The following ADAMTS2 variants were observed in gnomAD, a reference collection of about 807,000 sequenced individuals.
The protein encoded by ADAMTS2 is A disintegrin and metalloproteinase with thrombospondin motifs 2.
In ADAMTS2, 50 loss-of-function variants were observed where a neutral mutation model predicts 123.0. The observed-to-expected ratio is 0.41, with a 90% confidence interval of 0.32 to 0.51. The LOEUF is 0.51. Ranked by LOEUF, ADAMTS2 falls within the 20% of genes least tolerant of loss-of-function variation. The pLI is 0.35. For synonymous variants in ADAMTS2, 678 were observed against 695.4 expected (o/e 0.98, Z 0.39); for missense variants, 1,494 against 1,705.2 (o/e 0.88, Z 2.18).
At chr5:179,257,930 C>T (rs1316499779) in intron 3 of ADAMTS2, among the ~76,000 whole-genome samples, 1 of 152,214 alleles carries the variant, frequency 6.6e-6, no homozygotes, top group African/African-American at 2.4e-5. Context: ...TCCAGCTTCT[C>T]TTATAAAATT....
At chr5:179,336,342 G>A (rs1472999001) in intron 2 of ADAMTS2, among the ~76,000 whole-genome samples, 2 of 152,252 alleles carry the variant, frequency 1.3e-5, no homozygotes, top group African/African-American at 4.8e-5. Flanking sequence ...ACCTATCCCT[G>A]GAGGAAGGAC....
At chr5:179,200,183 G>T (rs992184674) in intron 4 of ADAMTS2, among the ~76,000 whole-genome samples, 1 of 150,412 alleles carries the variant, frequency 6.6e-6, no homozygotes, top group African/African-American at 2.5e-5. Context: ...AAATAAGAAT[G>T]CATTGCATGT....
chr5:179,224,373 C>T (rs567701097), intron 3 of ADAMTS2, among the ~76,000 whole-genome samples: 6 of 152,332 alleles, frequency 3.9e-5, no homozygotes, highest in South Asian at 4.1e-4. Context: ...CCCTGACCCT[C>T]GACCTGTGGG....
At chr5:179,204,714 C>T (rs185352356) in intron 4 of ADAMTS2, among the ~76,000 whole-genome samples, 16 of 152,360 alleles carry the variant, frequency 1.1e-4, no homozygotes, top group East Asian at 5.8e-4. Context: ...GCTCCAGGCA[C>T]GGCCGCGCCT....
At chr5:179,159,791 T>A (rs188293020) in intron 5 of ADAMTS2, among the ~76,000 whole-genome samples, 13 of 152,282 alleles carry the variant, frequency 8.5e-5, no homozygotes, top group Admixed American at 6.5e-4. Context: ...AGAATTGAGA[T>A]CGGATCCCAA....
chr5:179,234,640 C>T lies in ADAMTS2; in HGVS notation c.689-26925G>A, dbSNP rs1420461177. Among the ~76,000 whole-genome samples, 1 of 152,126 alleles carries T rather than the reference C, an allele frequency of 6.6e-6. No homozygotes were observed. The highest frequency in any genetic ancestry group is 1.5e-5 in the Non-Finnish European group (1 of 68,020). ...GTCCCAAACAAACCTGTCACCTTTC[C>T]CTACCCCAACCCATCAGCCATTGCT... On this transcript the variant is annotated intron_variant, in intron 3 of 21. Coordinates refer to ENST00000251582, the MANE Select transcript of ADAMTS2 (RefSeq NM_014244.5). The surrounding 1 kb of genome is among the most constrained non-coding windows in gnomAD (Gnocchi z 4.7).
rs147504241 is a variant in ADAMTS2, at chr5:179,308,132, T to C, written c.535-35068A>G. ...AGAGTGGGCCAAGTTTGCCGCCTTC[T>C]GGAGCGACAACAAGGAGAAAACAGG... On this transcript the variant is annotated intron_variant, in intron 2 of 21. Coordinates refer to ENST00000251582, the MANE Select transcript of ADAMTS2 (RefSeq NM_014244.5). The surrounding 1 kb of genome is among the most constrained non-coding windows in gnomAD (Gnocchi z 6.6). Among the ~76,000 whole-genome samples, 223 of 152,320 alleles carry C rather than the reference T, an allele frequency of 1.5e-3. 1 individual carries two copies. The highest frequency in any genetic ancestry group is 5.1e-3 in the African/African-American group (210 of 41,576).
rs959656033 is a variant in ADAMTS2 at position 179,314,080 on chromosome 5, C to A, written c.534+29687G>T. Among the ~76,000 whole-genome samples the A allele has an allele frequency of 2.0e-5, 3 of 152,188 alleles. No homozygotes were observed. The highest frequency in any genetic ancestry group is 4.4e-5 in the Non-Finnish European group (3 of 68,014). On this transcript the variant is annotated intron_variant, in intron 2 of 21. Transcript: ENST00000251582. The surrounding 1 kb of genome is among the most constrained non-coding windows in gnomAD (Gnocchi z 4.5). Reference sequence around the variant, plus strand: ...GTGGGGCGGGGGGGTTCCTCACACACCCCACACCCCTGCCTATGCCCAGAC... The same window carrying A: ...GTGGGGCGGGGGGGTTCCTCACACAACCCACACCCCTGCCTATGCCCAGAC...
At chr5:179,321,096 C>A (rs1036840080) in intron 2 of ADAMTS2, among the ~76,000 whole-genome samples, 2 of 152,074 alleles carry the variant, frequency 1.3e-5, no homozygotes, top group African/African-American at 4.8e-5. Flanking sequence ...TCTGAAGCCA[C>A]TTTTACTTGG....
At chr5:179,146,749 A>AT (rs537418691) in intron 10 of ADAMTS2, among the ~76,000 whole-genome samples, 1 of 151,898 alleles carries the variant, frequency 6.6e-6, no homozygotes, top group Admixed American at 6.6e-5. Flanking sequence ...CAGAGTTATT[A>AT]TTTTTTTTAT....
chr5:179,265,034 G>A (rs73333234), intron 3 of ADAMTS2, among the ~76,000 whole-genome samples: 1,439 of 74,286 alleles, frequency 0.019, 14 homozygotes, highest in African/African-American at 0.061. Flanking sequence ...TGCCGGGTGG[G>A]GCTGAGCACA....
intron 3 of ADAMTS2, among the ~76,000 whole-genome samples, chr5:179,223,488 TCA>T (rs1394016832): frequency 8.3e-5 from 11 of 131,816 alleles, no homozygotes; most frequent in African/African-American, 1.2e-4. Flanking sequence ...ACAAATGGAC[TCA>T]CACTCACATG....
intron 4 of ADAMTS2, among the ~76,000 whole-genome samples, chr5:179,187,146 G>A (rs1350493347): frequency 2.0e-5 from 3 of 152,024 alleles, no homozygotes; most frequent in Non-Finnish European, 2.9e-5. Flanking sequence ...TCCCTGTGCA[G>A]CCCCTCAATT....
chr5:179,322,573 G>A (rs1757216555), intron 2 of ADAMTS2, among the ~76,000 whole-genome samples: 1 of 152,194 alleles, frequency 6.6e-6, no homozygotes, highest in Admixed American at 6.5e-5. Context: ...GAGGCCGTGA[G>A]CCAATTCCAG....
At position 179,114,021 on chromosome 5, in the gene ADAMTS2, A is replaced by G; in HGVS notation, c.3482T>C (p.Val1161Ala). ...ATEDHPETNA[V>A]DEPYKIHGLE... ...GCCATGGATTTTGTAGGGTTCATCT[A>G]CGGCATTGGTTTCTGGGTGATCCTC... Residue 1161 changes from valine to alanine, a missense_variant, in exon 22 of 22, where the codon GTA becomes GCA. By Grantham distance (64) the Val-to-Ala change is moderately conservative. Transcript: ENST00000251582. 6.2e-7 allele frequency: 1 copy of G among 1,614,080 alleles called. No homozygotes were observed. The highest frequency in any genetic ancestry group is 8.5e-7 in the Non-Finnish European group (1 of 1,180,010).
intron 3 of ADAMTS2, among the ~76,000 whole-genome samples, chr5:179,264,184 C>T (rs1581230064): frequency 6.6e-6 from 1 of 152,192 alleles, no homozygotes; most frequent in African/African-American, 2.4e-5. Flanking sequence ...CGCCCCACCC[C>T]TCTCTATCCC....
intron 3 of ADAMTS2, among the ~76,000 whole-genome samples, chr5:179,244,505 G>T (rs1005479939): frequency 1.3e-5 from 2 of 152,132 alleles, no homozygotes; most frequent in African/African-American, 4.8e-5. Flanking sequence ...CATACTAAAG[G>T]AAGTTCTTCA....
Position 179,136,494 on chromosome 5 carries a change from G to A in ADAMTS2, c.1952-452C>T, listed in dbSNP as rs1415226002. ...CAGCCTGGCCAACATGGTGAAACCC[G>A]TCTCTACTAAAAATACAAAAATTAG... On this transcript the variant is annotated intron_variant, in intron 12 of 21. Transcript: ENST00000251582. 4.6e-5 allele frequency among the ~76,000 whole-genome samples: 7 copies of A among 151,154 alleles called. No homozygotes were observed. The East Asian group carries it at 9.8e-4, about 21-fold the overall frequency.
chr5:179,241,488 G>C (rs186220755), intron 3 of ADAMTS2, among the ~76,000 whole-genome samples: 1 of 152,170 alleles, frequency 6.6e-6, no homozygotes, highest in Non-Finnish European at 1.5e-5. Flanking sequence ...CATGAGTCAG[G>C]GCTTTGGGCC....
Sources: allele counts gnomAD v4.1 joint callset (sites outside exome capture counted in the v4.1 genomes callset), GRCh38; gene constraint gnomAD v4.1.1; non-coding constraint Gnocchi (gnomAD v3.1); transcripts MANE v1.5; gene names NCBI Gene and HGNC (gene_info 2026-07-23, HGNC 2026-07-21).